SPATA13: variants seen among roughly 807,000 people sequenced by gnomAD.
SPATA13 encodes the protein spermatogenesis-associated protein 13.
In SPATA13, 50 loss-of-function variants were observed where a neutral mutation model predicts 104.0. That is an observed-to-expected ratio of 0.48 (90% confidence interval 0.38 to 0.61). The LOEUF (loss-of-function observed/expected upper bound fraction) is 0.61. Ranked by LOEUF, SPATA13 falls within the 20% of genes least tolerant of loss-of-function variation. SPATA13 has a pLI of 0.00. For missense variants in SPATA13, 1,524 were observed against 1,690.6 expected, an observed-to-expected ratio of 0.90 and a Z score of 1.73; for synonymous variants, 606 against 667.5, an observed-to-expected ratio of 0.91 and a Z score of 1.42.
intron 2 of SPATA13, among the ~76,000 whole-genome samples, chr13:24,246,911 G>T (rs78951179): frequency 6.6e-6 from 1 of 152,172 alleles, no homozygotes; most frequent in Non-Finnish European, 1.5e-5. Context: ...GCAGTATGTG[G>T]CATCTTACTA....
At chr13:24,118,967 G>A (rs1260657585) in intron 3 of SPATA13, among the ~76,000 whole-genome samples, 1 of 151,150 alleles carries the variant, frequency 6.6e-6, no homozygotes, top group African/African-American at 2.4e-5. Flanking sequence ...GTGCAGTGGT[G>A]TGATCTCGGC....
Position 24,239,693 on chromosome 13 carries a change from T to TAAAAAAAAAAAAA in SPATA13, c.1654-9770_1654-9758dup, listed in dbSNP as rs55881452. Among the ~76,000 whole-genome samples, 9 of 46,940 alleles carry TAAAAAAAAAAAAA rather than the reference T, an allele frequency of 1.9e-4. 1 individual carries two copies. The highest frequency in any genetic ancestry group is 3.7e-4 in the African/African-American group (5 of 13,494). The allele number at this position is 46,940 out of a possible 152,430, so 30.8% of individuals were successfully genotyped here. On this transcript the variant is annotated intron_variant, in intron 2 of 12. Coordinates refer to ENST00000382108, the MANE Select transcript of SPATA13 (RefSeq NM_001166271.3). Reference sequence around the variant, plus strand: ...CTGGGTGTCGGATAGAGACCATATCTAAAAAAAAAAAAAAAAAAAAAAAAA... The same window carrying TAAAAAAAAAAAAA: ...CTGGGTGTCGGATAGAGACCATATCTAAAAAAAAAAAAAAAAAAAAAAAAAAAAAAAAAAAAAA...
At chr13:24,196,603 G>A (rs930474703) in intron 1 of SPATA13, among the ~76,000 whole-genome samples, 2 of 152,184 alleles carry the variant, frequency 1.3e-5, no homozygotes, top group South Asian at 2.1e-4. Flanking sequence ...GGGCATGGTG[G>A]CGTGGGCCTG....
rs966488124 is a variant in SPATA13 at position 24,223,062 on chromosome 13, C to T, written c.133C>T (p.Leu45Phe). Residue 45 changes from leucine (L) to phenylalanine (F), a missense_variant, in exon 2 of 13, where the codon CTT (leucine) becomes TTT (phenylalanine). By Grantham distance (22) the Leu-to-Phe change is conservative (BLOSUM62 0). Around this residue, in one of 2 missense-constraint regions of SPATA13, gnomAD observed 1,089 missense variants for 1,135.9 expected, o/e 0.96. Transcript: ENST00000382108. Reference protein sequence around the residue: ...DLKDAKMVTSLACGNGVCGCS... With the variant: ...DLKDAKMVTSFACGNGVCGCS... ...GAAAGACGCCAAGATGGTGACCTCC[C>T]TTGCGTGTGGAAATGGAGTCTGTGG... is the stretch of plus-strand genomic sequence containing the variant. 3.2e-6 allele frequency: 5 copies of T among 1,551,740 alleles called. No homozygotes were observed. The highest frequency in any genetic ancestry group is 4.4e-6 in the Non-Finnish European group (5 of 1,147,010).
chr13:24,141,310 G>C (rs1881754963), intron 3 of SPATA13, among the ~76,000 whole-genome samples: 2 of 152,164 alleles, frequency 1.3e-5, no homozygotes, highest in African/African-American at 2.4e-5. Flanking sequence ...GTGAGACCCA[G>C]ATAATTAATT....
chr13:24,214,458 G>A (rs866081593), intron 1 of SPATA13, among the ~76,000 whole-genome samples: 6 of 152,298 alleles, frequency 3.9e-5, no homozygotes, highest in African/African-American at 1.4e-4. Flanking sequence ...TACAATGCAT[G>A]TGCTTCTCTA....
At chr13:24,201,730 T>C (rs1005475421) in intron 1 of SPATA13, among the ~76,000 whole-genome samples, 3 of 152,216 alleles carry the variant, frequency 2.0e-5, no homozygotes, top group African/African-American at 7.2e-5. Context: ...TGAGCCACCA[T>C]GCCTGGCCTA....
rs78467468 is a variant in SPATA13 at position 24,037,759 on chromosome 13, G to A, written c.-112+20058G>A. On this transcript the variant is annotated intron_variant, in intron 3 of 14. Coordinates refer to the SPATA13 transcript ENST00000424834. Reference sequence around the variant, plus strand: ...CCTACAGCAAGCAGAAAAATTGATCGGAGTTTCTTAATCTGGGGTTCGTGG... The same window carrying A: ...CCTACAGCAAGCAGAAAAATTGATCAGAGTTTCTTAATCTGGGGTTCGTGG... Among the ~76,000 whole-genome samples, 1,341 of 151,840 alleles carry A rather than the reference G, an allele frequency of 8.8e-3. 21 individuals carry two copies. The highest frequency in any genetic ancestry group is 0.073 in the East Asian group (374 of 5,116).
At chr13:24,015,234 G>C (rs1450071030) in intron 2 of SPATA13, among the ~76,000 whole-genome samples, 1 of 152,100 alleles carries the variant, frequency 6.6e-6, no homozygotes, top group Non-Finnish European at 1.5e-5. Flanking sequence ...GACTCTTAAC[G>C]AGAGATGAAT....
intron 12 of SPATA13, among the ~76,000 whole-genome samples, chr13:24,301,334 A>C (rs1877171361): frequency 1.3e-5 from 2 of 152,148 alleles, no homozygotes; most frequent in African/African-American, 4.8e-5. Flanking sequence ...TCAGTGAAGA[A>C]CTGATTCCCC....
chr13:24,177,717 G>T (rs1868518225), intron 1 of SPATA13, among the ~76,000 whole-genome samples: 1 of 152,102 alleles, frequency 6.6e-6, no homozygotes, highest in Admixed American at 6.6e-5. Flanking sequence ...CTCCCAAAGT[G>T]TTGGGGTTAC....
chr13:24,300,595 A>G (rs1454413266), intron 12 of SPATA13, 120 bp downstream of exon 12: 1 of 893,026 alleles, frequency 1.1e-6, no homozygotes, highest in Non-Finnish European at 1.8e-6. Context: ...TAGAAGTTAG[A>G]ACTCAAGGGC....
intron 3 of SPATA13, among the ~76,000 whole-genome samples, chr13:24,112,501 G>A (rs1335588536): frequency 2.6e-5 from 4 of 152,082 alleles, no homozygotes; most frequent in South Asian, 2.1e-4. Flanking sequence ...GCTCAGCCAC[G>A]GAAGTAGCAA....
At chr13:24,030,259 T>TAATG (rs979078455) in intron 3 of SPATA13, among the ~76,000 whole-genome samples, 2 of 152,184 alleles carry the variant, frequency 1.3e-5, no homozygotes, top group Admixed American at 1.3e-4. Context: ...GACATAGGTG[T>TAATG]AATGGCATGT....
rs754044641 is a variant in SPATA13, at chr13:24,190,379, AT to A, written c.-112+29449del. 2.7e-5 allele frequency among the ~76,000 whole-genome samples: 2 copies of A among 73,966 alleles called. 1 individual carries two copies. Among genetic ancestry groups the A allele is most frequent in the Non-Finnish European group, 6.5e-5 (2 of 30,594 alleles). 48.5% of individuals were successfully genotyped at this position (73,966 alleles called of 152,430 possible). A position where few individuals can be genotyped will look rare whatever the true frequency, so the allele number is the denominator to read the frequency against. The stretch of plus-strand genomic sequence containing the variant: ...TATATTATTATATATAATATATAAT[AT>A]TATATATATAATAAGGCTGTAGTTA... On this transcript the variant is annotated intron_variant, in intron 1 of 12. Coordinates refer to ENST00000382108, the MANE Select transcript of SPATA13 (RefSeq NM_001166271.3).
intron 3 of SPATA13, among the ~76,000 whole-genome samples, chr13:24,019,798 A>G (rs1486946769): frequency 6.6e-6 from 1 of 152,140 alleles, no homozygotes; most frequent in Non-Finnish European, 1.5e-5. Context: ...AGGGTAGAGA[A>G]TCATTTGGTG....
intron 1 of SPATA13, among the ~76,000 whole-genome samples, chr13:24,207,219 G>A (rs1870751997): frequency 6.6e-6 from 1 of 152,172 alleles, no homozygotes; most frequent in South Asian, 2.1e-4. Flanking sequence ...GTCTGTCTGA[G>A]GGTTGGGGAT....
In SPATA13 at chr13:24,290,826, A is replaced by T; in HGVS notation, c.3022A>T (p.Ile1008Phe). 1 of 1,614,156 alleles carries T rather than the reference A, an allele frequency of 6.2e-7. No homozygotes were observed. Among genetic ancestry groups the T allele is most frequent in the Non-Finnish European group, 8.5e-7 (1 of 1,180,028 alleles). ...GTTCCTGCTCACACCAGTGCAGAAG[A>T]TCTGCAAATACCCGCTGCAGCTGGC... ...DGFLLTPVQKICKYPLQLAEL... is the reference protein window; with the variant it reads ...DGFLLTPVQKFCKYPLQLAEL... Residue 1008 changes from isoleucine (I) to phenylalanine (F), a missense_variant, in exon 9 of 13, where the codon ATC (isoleucine) becomes TTC (phenylalanine). Coordinates refer to ENST00000382108, the MANE Select transcript of SPATA13 (RefSeq NM_001166271.3).
chr13:24,073,478 T>C (rs1879233032), intron 3 of SPATA13, among the ~76,000 whole-genome samples: 1 of 152,278 alleles, frequency 6.6e-6, no homozygotes, highest in Non-Finnish European at 1.5e-5. Context: ...GAATTCATTT[T>C]TGCCTGTGAC....
Sources: allele counts gnomAD v4.1 joint callset (sites outside exome capture counted in the v4.1 genomes callset), GRCh38; gene constraint gnomAD v4.1.1; regional missense constraint gnomAD v4.1.1; transcripts MANE v1.5; gene names NCBI Gene and HGNC (gene_info 2026-07-23, HGNC 2026-07-21).